Variants in GABRG3 observed in about 807,000 individuals in gnomAD.
GABRG3 encodes the protein gamma-aminobutyric acid type A receptor subunit gamma3, also known as gamma-aminobutyric acid receptor subunit gamma-3.
In GABRG3, 25 loss-of-function variants were observed where a neutral mutation model predicts 48.8. The ratio of observed to expected loss-of-function variants is 0.51; its 90% CI spans 0.37 to 0.72. The LOEUF (loss-of-function observed/expected upper bound fraction) is 0.72, where lower values mean the gene tolerates loss of function less well. Among genes scored for constraint, GABRG3 ranks in the 30% least tolerant of loss-of-function variants. The pLI, the probability that GABRG3 is intolerant of heterozygous loss-of-function variation, is 0.00. For missense variants in GABRG3, 394 were observed against 577.9 expected (o/e 0.68, Z 3.26); for synonymous variants, 227 against 217.6 (o/e 1.04, Z -0.38).
At chr15:27,176,913 C>A (rs534535772) in intron 3 of GABRG3, among the ~76,000 whole-genome samples, 17 of 152,278 alleles carry the variant, frequency 1.1e-4, no homozygotes, top group African/African-American at 4.1e-4. Flanking sequence ...AACTCACTGT[C>A]TAACCACCCG....
chr15:27,073,513 C>T (rs1014961527), intron 3 of GABRG3, among the ~76,000 whole-genome samples: 26 of 152,146 alleles, frequency 1.7e-4, no homozygotes, highest in African/African-American at 6.3e-4. Flanking sequence ...GAATTCTCAA[C>T]AGGCTTTTGT....
At chr15:27,051,938 A>G (rs1041125305) in intron 3 of GABRG3, among the ~76,000 whole-genome samples, 28 of 152,164 alleles carry the variant, frequency 1.8e-4, no homozygotes, top group Non-Finnish European at 3.1e-4. Flanking sequence ...TTGCATGTGC[A>G]GTTCACAATA....
At position 27,193,848 on chromosome 15, in the gene GABRG3, A is replaced by G. The variant is rs1274206277; in HGVS notation, c.271-132961A>G. 2.6e-5 allele frequency among the ~76,000 whole-genome samples: 4 copies of G among 152,272 alleles called. No homozygotes were observed. In the South Asian group the frequency reaches 6.2e-4, roughly 24 times the overall value. On this transcript the variant is annotated intron_variant, in intron 3 of 9. Transcript: ENST00000615808. ...GGAGCTGTAGACTGGAGCTGTTCCT[A>G]TTCGGCCATCTTGGCTCCTCCCCCG...
intron 3 of GABRG3, among the ~76,000 whole-genome samples, chr15:27,226,779 C>G (rs1489702927): frequency 6.6e-6 from 1 of 152,170 alleles, no homozygotes; most frequent in Non-Finnish European, 1.5e-5. Context: ...GAGGAATGCT[C>G]CCCACTTCTT....
chr15:27,165,928 C>G (rs1488172920), intron 3 of GABRG3, among the ~76,000 whole-genome samples: 1 of 152,014 alleles, frequency 6.6e-6, no homozygotes, highest in East Asian at 1.9e-4. Context: ...TGGCATAAGT[C>G]CAAGAAGTGA....
At chr15:26,994,988 T>C (rs1895314574) in intron 2 of GABRG3, among the ~76,000 whole-genome samples, 1 of 152,076 alleles carries the variant, frequency 6.6e-6, no homozygotes, top group Non-Finnish European at 1.5e-5. Context: ...TTTTATAGTT[T>C]TGTTAAATCC....
chr15:27,151,357 GT>G (rs34016302), intron 3 of GABRG3, among the ~76,000 whole-genome samples: 72,976 of 145,976 alleles, frequency 0.5, 17,991 homozygotes, highest in African/African-American at 0.54. Flanking sequence ...TTTTGGGACT[GT>G]TTTTTTTTTT....
chr15:27,318,336 T>C (rs2140512721), intron 3 of GABRG3, among the ~76,000 whole-genome samples: 1 of 152,294 alleles, frequency 6.6e-6, no homozygotes, highest in Middle Eastern at 3.4e-3. Context: ...AGAGAGGAGA[T>C]TTACTTCTTT....
At chr15:26,989,577 A>G (rs1429967586) in intron 2 of GABRG3, among the ~76,000 whole-genome samples, 1 of 152,212 alleles carries the variant, frequency 6.6e-6, no homozygotes, top group African/African-American at 2.4e-5. Flanking sequence ...TAATAATCAC[A>G]TCGAGGAAAA....
chr15:27,331,487 A>G (rs1232975779), intron 5 of GABRG3, among the ~76,000 whole-genome samples: 1 of 152,190 alleles, frequency 6.6e-6, no homozygotes, highest in Non-Finnish European at 1.5e-5. Flanking sequence ...AAAGAAACCA[A>G]TCTGAAAAGG....
chr15:27,234,751 T>C (rs1889903120), intron 3 of GABRG3, among the ~76,000 whole-genome samples: 1 of 152,146 alleles, frequency 6.6e-6, no homozygotes. Flanking sequence ...TATGGATGAC[T>C]AAAGATTTTG....
chr15:27,174,923 A>G (rs2140413206), intron 3 of GABRG3, among the ~76,000 whole-genome samples: 1 of 152,198 alleles, frequency 6.6e-6, no homozygotes, highest in Non-Finnish European at 1.5e-5. Context: ...CACCTTGGGC[A>G]TCGGCACATG....
intron 3 of GABRG3, among the ~76,000 whole-genome samples, chr15:27,126,287 C>T (rs1422320557): frequency 1.3e-5 from 2 of 152,156 alleles, no homozygotes; most frequent in African/African-American, 2.4e-5. Flanking sequence ...AACTGGGGCA[C>T]GGAGAGGCTC....
At chr15:27,366,421 G>C (rs1248297944) in intron 5 of GABRG3, 3 of 152,168 alleles carry the variant, frequency 2.0e-5, no homozygotes, top group Admixed American at 6.5e-5. Context: ...TCCATGACTG[G>C]TCTAAACTTC....
intron 2 of GABRG3, among the ~76,000 whole-genome samples, chr15:26,977,999 T>G (rs1894984235): frequency 6.6e-6 from 1 of 152,230 alleles, no homozygotes; most frequent in Non-Finnish European, 1.5e-5. Flanking sequence ...TTTTCACTAT[T>G]TTTTATTTTA....
Position 27,211,240 on chromosome 15 carries a change from C to T in GABRG3, c.271-115569C>T, listed in dbSNP as rs548910663. Among the ~76,000 whole-genome samples the T allele has an allele frequency of 4.1e-4, 63 of 152,260 alleles. 3 individuals are homozygous for T. The South Asian group carries it at 0.012, about 29-fold the overall frequency. On this transcript the variant is annotated intron_variant, in intron 3 of 9. Transcript: ENST00000615808. ...GCTCTTATCCACTCTGTTGCTAGAT[C>T]ACAGAAGCAGTGCCATGATTTATTA...
At chr15:27,071,193 T>G (rs1381248151) in intron 3 of GABRG3, among the ~76,000 whole-genome samples, 1 of 152,200 alleles carries the variant, frequency 6.6e-6, no homozygotes, top group Non-Finnish European at 1.5e-5. Flanking sequence ...GTGTTGATAT[T>G]GTCATTTTGA....
chr15:27,316,122 C>G (rs1425754524), intron 3 of GABRG3, among the ~76,000 whole-genome samples: 2 of 152,140 alleles, frequency 1.3e-5, no homozygotes, highest in Non-Finnish European at 2.9e-5. Flanking sequence ...CGGTGGCTCA[C>G]GCCTGTAATC....
At position 27,065,815 on chromosome 15, in the gene GABRG3, A is replaced by G. The variant is rs147281185; in HGVS notation, c.270+38994A>G. Reference sequence around the variant, plus strand: ...GAAAAATAATGGAAAAATAACCTGAACGTTCTTTCAGCCTTGATCTCCATT... The same window carrying G: ...GAAAAATAATGGAAAAATAACCTGAGCGTTCTTTCAGCCTTGATCTCCATT... On this transcript the variant is annotated intron_variant, in intron 3 of 9. Coordinates refer to ENST00000615808, the MANE Select transcript of GABRG3 (RefSeq NM_033223.5). Among the ~76,000 whole-genome samples the G allele has an allele frequency of 3.5e-3, 537 of 152,260 alleles. 3 individuals carry two copies. Among genetic ancestry groups the G allele is most frequent in the African/African-American group, 0.012 (501 of 41,550 alleles).
Sources: gnomAD v4.1 joint callset for allele counts (sites outside exome capture counted in the v4.1 genomes callset) on GRCh38, gnomAD v4.1.1 for gene constraint, MANE v1.5 for transcripts, NCBI Gene and HGNC (gene_info 2026-07-23, HGNC 2026-07-21) for gene names.